The following CFAP299 variants were observed in gnomAD, a reference collection of about 807,000 sequenced individuals.
CFAP299 encodes cilia and flagella associated protein 299, also known as cilia- and flagella-associated protein 299.
Under a neutral mutation model 27.0 loss-of-function variants are expected in CFAP299, and 21 were observed. The observed-to-expected ratio is 0.78, with a 90% CI of 0.55 to 1.12. The LOEUF (loss-of-function observed/expected upper bound fraction) is 1.12, where lower values mean the gene tolerates loss of function less well. Ranked by LOEUF, CFAP299 falls within the 50% of genes most tolerant of loss-of-function variation. The pLI, the probability that CFAP299 is intolerant of heterozygous loss-of-function variation, is 0.00. For synonymous variants in CFAP299, 104 were observed against 98.1 expected (o/e 1.06, Z -0.36); for missense variants, 310 against 276.6 (o/e 1.12, Z -0.86).
chr4:80,486,226 G>A (rs943441472), intron 2 of CFAP299, among the ~76,000 whole-genome samples: 2 of 152,176 alleles, frequency 1.3e-5, no homozygotes, highest in South Asian at 2.1e-4. Context: ...TTCTGGAAGG[G>A]CACTAAGTGC....
intron 3 of CFAP299, among the ~76,000 whole-genome samples, chr4:80,584,656 T>G (rs1432792633): frequency 6.6e-6 from 1 of 152,192 alleles, no homozygotes; most frequent in South Asian, 2.1e-4. Context: ...TACCTCCAGT[T>G]GACCTGTATC....
At chr4:80,500,014 G>C (rs912071863) in intron 2 of CFAP299, among the ~76,000 whole-genome samples, 11 of 150,842 alleles carry the variant, frequency 7.3e-5, no homozygotes, top group African/African-American at 2.4e-4. Flanking sequence ...TAGCATTTTT[G>C]TTTTGAAATA....
chr4:80,438,540 A>G lies in CFAP299; in HGVS notation c.242+75656A>G, dbSNP rs185132905. Reference sequence around the variant, plus strand: ...AATTTGAGTAACTTTTTCTTTCTCCACTAATTTGAACGTTACCTTTGCCAT... The same window carrying G: ...AATTTGAGTAACTTTTTCTTTCTCCGCTAATTTGAACGTTACCTTTGCCAT... On this transcript the variant is annotated intron_variant, in intron 2 of 5. Transcript: ENST00000358105. Among the ~76,000 whole-genome samples, 273 of 152,300 alleles carry G rather than the reference A, an allele frequency of 1.8e-3. 3 individuals carry two copies. In the East Asian group the frequency reaches 0.039, roughly 22 times the overall value.
At chr4:80,761,617 A>G (rs935511629) in intron 3 of CFAP299, among the ~76,000 whole-genome samples, 2 of 152,118 alleles carry the variant, frequency 1.3e-5, no homozygotes, top group African/African-American at 2.4e-5. Context: ...CAAAATATAC[A>G]TGGGAAAAAA....
chr4:80,735,040 G>A (rs1723773484), intron 3 of CFAP299, among the ~76,000 whole-genome samples: 1 of 152,060 alleles, frequency 6.6e-6, no homozygotes, highest in Non-Finnish European at 1.5e-5. Context: ...ATTGCTTTAG[G>A]CAGTATGAAT....
intron 3 of CFAP299, among the ~76,000 whole-genome samples, chr4:80,637,483 C>T (rs955778965): frequency 2.0e-5 from 3 of 152,080 alleles, no homozygotes; most frequent in South Asian, 2.1e-4. Context: ...ATCGGTGGAA[C>T]CTTTTTCTGT....
chr4:80,891,830 GAAA>G (rs35425830), intron 4 of CFAP299, among the ~76,000 whole-genome samples: 674 of 53,982 alleles, frequency 0.012, 13 homozygotes, highest in African/African-American at 0.037. Context: ...TAGATTAAAG[GAAA>G]AAAAAAAAAA....
rs115433248 is a variant in CFAP299 at position 80,929,910 on chromosome 4, C to T, written c.477-14900C>T. 3.4e-3 allele frequency among the ~76,000 whole-genome samples: 517 copies of T among 152,270 alleles called. 5 individuals are homozygous for T. The highest frequency in any genetic ancestry group is 0.011 in the African/African-American group (459 of 41,568). ...TATTATGAAATACAAATTTGGCCTT[C>T]TTTCCCATCTCCTGGCATATAACTC... is the stretch of plus-strand genomic sequence containing the variant. On this transcript the variant is annotated intron_variant, in intron 4 of 5. Transcript: ENST00000358105.
intron 3 of CFAP299, among the ~76,000 whole-genome samples, chr4:80,647,051 T>A (rs1287430165): frequency 2.6e-5 from 4 of 151,904 alleles, no homozygotes; most frequent in African/African-American, 4.8e-5. Flanking sequence ...TAGATGTACA[T>A]ATAGATGTAG....
intron 2 of CFAP299, among the ~76,000 whole-genome samples, chr4:80,502,616 T>C (rs1276644022): frequency 1.3e-5 from 2 of 152,094 alleles, no homozygotes; most frequent in Non-Finnish European, 2.9e-5. Flanking sequence ...TTATCACAGC[T>C]CCTGCCTACC....
chr4:80,396,976 T>G (rs1486192460), intron 2 of CFAP299, among the ~76,000 whole-genome samples: 10 of 152,226 alleles, frequency 6.6e-5, no homozygotes, highest in Admixed American at 6.5e-4. Context: ...TCCTTGTACC[T>G]CTGGTAGAAT....
At chr4:80,616,517 AAAAC>A (rs1289183803) in intron 3 of CFAP299, among the ~76,000 whole-genome samples, 5 of 152,172 alleles carry the variant, frequency 3.3e-5, no homozygotes, top group African/African-American at 1.2e-4. Context: ...CAGATGAAAA[AAAAC>A]AAACTGAGTG....
At chr4:80,785,180 C>T (rs1416140959) in intron 3 of CFAP299, among the ~76,000 whole-genome samples, 1 of 149,490 alleles carries the variant, frequency 6.7e-6, no homozygotes, top group Non-Finnish European at 1.5e-5. Flanking sequence ...TTAGGTTTTA[C>T]ATTTAGTCAT....
intron 2 of CFAP299, among the ~76,000 whole-genome samples, chr4:80,579,147 A>G (rs890713168): frequency 1.3e-5 from 2 of 152,144 alleles, no homozygotes; most frequent in African/African-American, 2.4e-5. Context: ...CTGAAATATC[A>G]GGGACCCTGC....
At position 80,386,512 on chromosome 4, in the gene CFAP299, T is replaced by TA. The variant is rs942918285; in HGVS notation, c.242+23628_242+23629insA. The stretch of plus-strand genomic sequence containing the variant: ...GCTGCCCTCTTCTCGCGGGCGGTGG[T>TA]GGGGGGGGGGGGTGCCGCCGGGTTT... On this transcript the variant is annotated intron_variant, in intron 2 of 5. Transcript: ENST00000358105. 18 of 1,469,664 alleles carry TA rather than the reference T, an allele frequency of 1.2e-5. No individual in the cohort carries two copies. The Admixed American group carries it at 1.9e-4, about 16-fold the overall frequency. 91.0% of individuals were successfully genotyped at this position (1,469,664 alleles called of 1,614,324 possible).
intron 2 of CFAP299, among the ~76,000 whole-genome samples, chr4:80,483,427 T>C (rs1301643485): frequency 1.3e-5 from 2 of 152,240 alleles, no homozygotes; most frequent in Non-Finnish European, 2.9e-5. Flanking sequence ...GTATTGATGA[T>C]TTCTTATTTT....
At chr4:80,859,744 C>G (rs1345953276) in intron 3 of CFAP299, among the ~76,000 whole-genome samples, 4 of 152,218 alleles carry the variant, frequency 2.6e-5, no homozygotes, top group Non-Finnish European at 5.9e-5. Flanking sequence ...GGCCCCCACT[C>G]TCTTCTGGCT....
In CFAP299 at chr4:80,485,969, TA is replaced by T. The variant is rs1447382569; in HGVS notation, c.243-97123del. ...TCTGTTTTACTTTTTATTATATATT[TA>T]TTTTTTTAGAGTTGTGGTTTGGCTG... On this transcript the variant is annotated intron_variant, in intron 2 of 5. Transcript: ENST00000358105. Among the ~76,000 whole-genome samples the T allele has an allele frequency of 1.2e-4, 18 of 152,246 alleles. No homozygotes were observed. In the East Asian group the frequency reaches 1.9e-3, roughly 16 times the overall value.
intron 2 of CFAP299, among the ~76,000 whole-genome samples, chr4:80,389,864 T>C (rs957283928): frequency 8.5e-5 from 13 of 152,198 alleles, no homozygotes; most frequent in African/African-American, 3.1e-4. Context: ...AGAAAGTGCC[T>C]AAAGTCTTTC....
Sources: allele counts gnomAD v4.1 joint callset (sites outside exome capture counted in the v4.1 genomes callset), GRCh38; gene constraint gnomAD v4.1.1; transcripts MANE v1.5; gene names NCBI Gene and HGNC (gene_info 2026-07-23, HGNC 2026-07-21).